The following HP1BP3 variants were observed in gnomAD, a reference collection of about 807,000 sequenced individuals.
HP1BP3 encodes heterochromatin protein 1 binding protein 3.
A neutral mutation model predicts 62.5 loss-of-function variants in HP1BP3; 12 were observed. The observed-to-expected ratio is 0.19, with a 90% CI of 0.12 to 0.31. The LOEUF (loss-of-function observed/expected upper bound fraction) is 0.31, where lower values mean the gene tolerates loss of function less well. HP1BP3 is among the 10% of genes least tolerant of loss of function. HP1BP3 has a pLI of 1.00. For synonymous variants in HP1BP3, 260 were observed against 237.8 expected (o/e 1.09, Z -0.86); for missense variants, 502 against 651.8 (o/e 0.77, Z 2.50).
chr1:20,755,744 C>T (rs968127627), intron 9 of HP1BP3, among the ~76,000 whole-genome samples: 12 of 152,224 alleles, frequency 7.9e-5, no homozygotes, highest in African/African-American at 2.9e-4. Flanking sequence ...ATCCAAATGT[C>T]CATCATCATC....
At chr1:20,776,075 A>C in intron 4 of HP1BP3, 1 of 1,320,590 alleles carries the variant, frequency 7.6e-7, no homozygotes, top group Non-Finnish European at 1.0e-6. Flanking sequence ...GATACACATC[A>C]ATAGCAAATT....
intron 8 of HP1BP3, 118 bp downstream of exon 8, chr1:20,765,259 G>A: frequency 7.1e-6 from 4 of 565,422 alleles, no homozygotes; most frequent in South Asian, 5.6e-5. Context: ...CAATAAAAAA[G>A]ATTTATTTTT....
intron 6 of HP1BP3, 34 bp downstream of exon 6, chr1:20,770,896 T>C (rs1352947545): frequency 1.3e-6 from 2 of 1,504,502 alleles, no homozygotes; most frequent in Non-Finnish European, 1.8e-6. Flanking sequence ...TAATACACAA[T>C]GAAATGATCT....
At chr1:20,770,336 G>C (rs893543044) in intron 6 of HP1BP3, among the ~76,000 whole-genome samples, 2 of 152,014 alleles carry the variant, frequency 1.3e-5, no homozygotes, top group Non-Finnish European at 2.9e-5. Context: ...ATTCCTTTTT[G>C]TTTTCAGACA....
chr1:20,770,620 T>A (rs1162122478), intron 6 of HP1BP3, among the ~76,000 whole-genome samples: 3 of 152,242 alleles, frequency 2.0e-5, no homozygotes, highest in South Asian at 2.1e-4. Flanking sequence ...TAGCCTCATT[T>A]TTGCTGTTTC....
intron 9 of HP1BP3, among the ~76,000 whole-genome samples, chr1:20,753,649 T>C (rs2055918060): frequency 6.6e-6 from 1 of 152,236 alleles, no homozygotes; most frequent in Non-Finnish European, 1.5e-5. Flanking sequence ...AATTTTAAGG[T>C]AACACAGTCC....
chr1:20,744,519 T>G lies in HP1BP3; in HGVS notation c.*278A>C. 2 of 257,258 alleles carry G rather than the reference T, an allele frequency of 7.8e-6. No homozygotes were observed. Among genetic ancestry groups the G allele is most frequent in the Non-Finnish European group, 1.4e-5 (2 of 138,894 alleles). 15.9% of individuals were successfully genotyped at this position (257,258 alleles called of 1,614,324 possible). A position where few individuals can be genotyped will look rare whatever the true frequency, so the allele number is the denominator to read the frequency against. On this transcript the variant is annotated 3_prime_UTR_variant, in exon 13 of 13. Transcript: ENST00000438032. ...AGCTGACCATAAAAACAACAGGGGG[T>G]TGGGGGAGGCAGAGAAAAAGGACAA...
chr1:20,756,828 G>A (rs1226136043), intron 9 of HP1BP3, among the ~76,000 whole-genome samples: 1 of 152,086 alleles, frequency 6.6e-6, no homozygotes, highest in Non-Finnish European at 1.5e-5. Context: ...TGATTCTCCT[G>A]CCTCAGCCTC....
At chr1:20,749,984 GCA>G in intron 9 of HP1BP3, 102 bp from the exon 10 acceptor site, 2 of 1,503,204 alleles carry the variant, frequency 1.3e-6, no homozygotes, top group Non-Finnish European at 1.8e-6. Context: ...TCCTGCATTA[GCA>G]CAGATATGTT....
chr1:20,768,139 T>C (rs545090021), intron 6 of HP1BP3, among the ~76,000 whole-genome samples: 6 of 151,968 alleles, frequency 3.9e-5, no homozygotes, highest in South Asian at 4.1e-4. Flanking sequence ...TTATTCCTTA[T>C]GGGAAGGGTT....
chr1:20,785,797 A>T (rs758446983), intron 1 of HP1BP3, among the ~76,000 whole-genome samples: 2 of 152,250 alleles, frequency 1.3e-5, no homozygotes, highest in Non-Finnish European at 2.9e-5. Context: ...TGTTACTTCT[A>T]TTTTGAAACA....
rs1169397866 is a variant in HP1BP3, at chr1:20,757,369, A to AT, written c.891-114dup. On this transcript the variant is annotated intron_variant, in intron 8 of 12. Transcript: ENST00000438032. ...TAGAGTTCTGATTACTATTATTATT[A>AT]TTATTTTTTTTTTTTTTTTGAGGTG... 1,667 of 400,466 alleles carry AT rather than the reference A, an allele frequency of 4.2e-3. 4 individuals carry two copies. The highest frequency in any genetic ancestry group is 4.4e-3 in the Non-Finnish European group (1,148 of 258,098). The allele number at this position is 400,466 out of a possible 1,614,324, so 24.8% of individuals were successfully genotyped here.
At chr1:20,760,039 C>T (rs948334109) in intron 8 of HP1BP3, among the ~76,000 whole-genome samples, 3 of 152,018 alleles carry the variant, frequency 2.0e-5, no homozygotes, top group Non-Finnish European at 1.5e-5. Flanking sequence ...CAGGCATGTG[C>T]CACCATGCCC....
At position 20,745,558 on chromosome 1, in the gene HP1BP3, G is replaced by T; in HGVS notation, c.1352C>A (p.Pro451Gln). 1 of 1,613,942 alleles carries T rather than the reference G, an allele frequency of 6.2e-7. No homozygotes were observed. Among genetic ancestry groups the T allele is most frequent in the Non-Finnish European group, 8.5e-7 (1 of 1,179,900 alleles). ...ATGTCCACACCTTCTCTTAGGTGGC[G>T]GCTCTTCATCCTCAGAGTCTTCTTC... is the stretch of plus-strand genomic sequence containing the variant. ...SSEEDSEDEE[P>Q]PPKRRLQKKT... is the part of the protein sequence containing the mutation. The change falls in exon 12 of 13, where the codon CCG (proline) becomes CAG (glutamine). Residue 451 changes from proline to glutamine, a missense_variant. Transcript: ENST00000438032.
chr1:20,763,185 C>G (rs2056584744), intron 8 of HP1BP3, among the ~76,000 whole-genome samples: 1 of 152,142 alleles, frequency 6.6e-6, no homozygotes, highest in Non-Finnish European at 1.5e-5. Context: ...GAAGCAGACG[C>G]CTGCACTATG....
chr1:20,770,104 T>C (rs1040151678), intron 6 of HP1BP3, among the ~76,000 whole-genome samples: 9 of 152,220 alleles, frequency 5.9e-5, no homozygotes, highest in Non-Finnish European at 7.3e-5. Flanking sequence ...CCATGCACTA[T>C]GCAAGATAAA....
chr1:20,758,070 C>T (rs1024755627), intron 8 of HP1BP3, among the ~76,000 whole-genome samples: 1 of 151,942 alleles, frequency 6.6e-6, no homozygotes, highest in Non-Finnish European at 1.5e-5. Flanking sequence ...CATTTGAACC[C>T]GGGAGGCGGA....
intron 9 of HP1BP3, among the ~76,000 whole-genome samples, chr1:20,752,686 T>C (rs1411518653): frequency 6.6e-6 from 1 of 152,178 alleles, no homozygotes; most frequent in African/African-American, 2.4e-5. Flanking sequence ...CACAAAAATG[T>C]GGTTATTGTC....
chr1:20,746,788 A>G (rs1172457684), intron 11 of HP1BP3, among the ~76,000 whole-genome samples: 1 of 152,168 alleles, frequency 6.6e-6, no homozygotes, highest in Non-Finnish European at 1.5e-5. Context: ...GGCTGAGGCG[A>G]GAGGACTGCT....
Sources: allele counts gnomAD v4.1 joint callset (sites outside exome capture counted in the v4.1 genomes callset), GRCh38; gene constraint gnomAD v4.1.1; transcripts MANE v1.5; gene names NCBI Gene and HGNC (gene_info 2026-07-23, HGNC 2026-07-21).